LUZP2: variants seen among roughly 807,000 people sequenced by gnomAD.
LUZP2 encodes leucine zipper protein 2.
Under a neutral mutation model 51.6 loss-of-function variants are expected in LUZP2, and 52 were observed. That is an observed-to-expected ratio of 1.01 (90% confidence interval 0.81 to 1.27). The LOEUF is 1.27. LUZP2 is among the 50% of genes most tolerant of loss of function. The pLI, the probability that LUZP2 is intolerant of heterozygous loss-of-function variation, is 0.00. For synonymous variants in LUZP2, 154 were observed against 137.3 expected (o/e 1.12, Z -0.85); for missense variants, 436 against 395.4 (o/e 1.10, Z -0.87).
At chr11:24,904,078 T>TGTACTG in intron 5 of LUZP2, among the ~76,000 whole-genome samples, 1 of 152,274 alleles carries the variant, frequency 6.6e-6, no homozygotes, top group South Asian at 2.1e-4. Flanking sequence ...CTGTACTAAT[T>TGTACTG]TACATTCCCA....
intron 1 of LUZP2, among the ~76,000 whole-genome samples, chr11:24,672,006 G>C (rs1247146101): frequency 6.6e-6 from 1 of 152,044 alleles, no homozygotes; most frequent in Non-Finnish European, 1.5e-5. Flanking sequence ...AATGTAGTGA[G>C]GGAATGGGCT....
chr11:24,500,079 CTT>C (rs1475319952), intron 1 of LUZP2, among the ~76,000 whole-genome samples: 1 of 152,118 alleles, frequency 6.6e-6, no homozygotes. Flanking sequence ...TCTGAAGCAA[CTT>C]TAGATGCTGA....
chr11:24,629,530 A>G (rs976066118), intron 1 of LUZP2, among the ~76,000 whole-genome samples: 1 of 130,058 alleles, frequency 7.7e-6, no homozygotes, highest in Non-Finnish European at 1.6e-5. Flanking sequence ...ATTCCATTGC[A>G]TATATATATA....
rs113572530 is a variant in LUZP2 at position 25,057,098 on chromosome 11, G to A, written c.858+6968G>A. On this transcript the variant is annotated intron_variant, in intron 10 of 11. Coordinates refer to ENST00000336930, the MANE Select transcript of LUZP2 (RefSeq NM_001009909.4). ...AAATTTTGTTGTTCATTTATTGCAG[G>A]TTTATTATGATTATTATATAAATAT... is the stretch of plus-strand genomic sequence containing the variant. Among the ~76,000 whole-genome samples the A allele has an allele frequency of 6.0e-4, 91 of 152,098 alleles. 2 individuals carry two copies. The highest frequency in any genetic ancestry group is 3.4e-3 in the Middle Eastern group (1 of 294).
intron 1 of LUZP2, among the ~76,000 whole-genome samples, chr11:24,513,019 A>G (rs2133780563): frequency 6.6e-6 from 1 of 152,290 alleles, no homozygotes; most frequent in South Asian, 2.1e-4. Context: ...CGGCCTCCCA[A>G]AGTGTTGGGA....
In LUZP2 at chr11:24,621,709, A is replaced by G. The variant is rs1854501411; in HGVS notation, c.63-107460A>G. 2.6e-5 allele frequency among the ~76,000 whole-genome samples: 4 copies of G among 152,122 alleles called. No homozygotes were observed. The South Asian group carries it at 8.3e-4, about 31-fold the overall frequency. ...TTTCAAGCATTTTATGATGCTCATT[A>G]TTCTCATAGAAGAATTACAAATAGA... On this transcript the variant is annotated intron_variant, in intron 1 of 11. Coordinates refer to ENST00000336930, the MANE Select transcript of LUZP2 (RefSeq NM_001009909.4).
At chr11:24,765,468 G>T (rs1276806105) in intron 5 of LUZP2, among the ~76,000 whole-genome samples, 3 of 151,994 alleles carry the variant, frequency 2.0e-5, no homozygotes, top group Non-Finnish European at 4.4e-5. Context: ...TATCATAAAG[G>T]GATCCTGGAT....
At chr11:24,925,777 G>A (rs767266225) in intron 7 of LUZP2, among the ~76,000 whole-genome samples, 5 of 151,624 alleles carry the variant, frequency 3.3e-5, no homozygotes, top group Admixed American at 6.6e-5. Context: ...TTGAGGATCA[G>A]GTGGTGTTTG....
intron 9 of LUZP2, among the ~76,000 whole-genome samples, chr11:25,034,897 G>A (rs1033189999): frequency 6.6e-6 from 1 of 152,062 alleles, no homozygotes; most frequent in Non-Finnish European, 1.5e-5. Context: ...TGCTTTGGCT[G>A]TGTGGGCTCA....
chr11:24,534,291 AC>A (rs1851102169), intron 1 of LUZP2, among the ~76,000 whole-genome samples: 1 of 151,344 alleles, frequency 6.6e-6, no homozygotes, highest in Non-Finnish European at 1.5e-5. Context: ...GCATATATAT[AC>A]ATACATAGAG....
At chr11:24,799,989 A>G (rs368675486) in intron 5 of LUZP2, among the ~76,000 whole-genome samples, 14 of 152,186 alleles carry the variant, frequency 9.2e-5, no homozygotes, top group East Asian at 3.9e-4. Context: ...GGACGAAACA[A>G]TCCTAAACAT....
chr11:24,817,331 T>A (rs1444608268), intron 5 of LUZP2, among the ~76,000 whole-genome samples: 1 of 152,070 alleles, frequency 6.6e-6, no homozygotes, highest in African/African-American at 2.4e-5. Context: ...AAACTCCAAT[T>A]TGTATAATAC....
intron 5 of LUZP2, among the ~76,000 whole-genome samples, chr11:24,873,102 A>G (rs1325783031): frequency 5.9e-5 from 9 of 152,210 alleles, no homozygotes; most frequent in South Asian, 2.1e-4. Flanking sequence ...GACAGATGTG[A>G]TAACAATTCA....
chr11:24,697,656 C>A (rs1183959393), intron 1 of LUZP2, among the ~76,000 whole-genome samples: 1 of 152,090 alleles, frequency 6.6e-6, no homozygotes, highest in Non-Finnish European at 1.5e-5. Flanking sequence ...TAAAACTAAC[C>A]AAAGATGACA....
At chr11:25,047,845 A>C (rs1224826582) in intron 9 of LUZP2, among the ~76,000 whole-genome samples, 2 of 152,086 alleles carry the variant, frequency 1.3e-5, no homozygotes, top group African/African-American at 4.8e-5. Flanking sequence ...ATTTTTGTTT[A>C]AGTTAGACCC....
chr11:24,801,933 TTTGAA>T (rs1256517757), intron 5 of LUZP2, among the ~76,000 whole-genome samples: 5 of 151,762 alleles, frequency 3.3e-5, no homozygotes, highest in African/African-American at 9.7e-5. Context: ...ACTAAAATTT[TTTGAA>T]TAATATATGT....
At chr11:24,678,085 G>C (rs540299376) in intron 1 of LUZP2, among the ~76,000 whole-genome samples, 12 of 132,362 alleles carry the variant, frequency 9.1e-5, no homozygotes, top group South Asian at 2.9e-4. Flanking sequence ...AGGGGGGGGG[G>C]GGTGATTACT....
chr11:24,950,943 T>G (rs1403706248), intron 7 of LUZP2, among the ~76,000 whole-genome samples: 1 of 151,528 alleles, frequency 6.6e-6, no homozygotes. Flanking sequence ...TTTTGTGTTA[T>G]AGTGATAGCT....
intron 5 of LUZP2, among the ~76,000 whole-genome samples, chr11:24,772,888 A>G (rs1384175327): frequency 6.6e-6 from 1 of 152,120 alleles, no homozygotes; most frequent in Non-Finnish European, 1.5e-5. Flanking sequence ...TCCTCTTCTT[A>G]TAACGACATC....
Sources: gnomAD v4.1 joint callset for allele counts (sites outside exome capture counted in the v4.1 genomes callset) on GRCh38, gnomAD v4.1.1 for gene constraint, MANE v1.5 for transcripts, NCBI Gene and HGNC (gene_info 2026-07-23, HGNC 2026-07-21) for gene names.